The following LMO7 variants were observed in gnomAD, a reference collection of about 807,000 sequenced individuals.
LMO7 encodes LIM domain 7, also known as LIM domain only protein 7.
A neutral mutation model predicts 206.5 loss-of-function variants in LMO7; 120 were observed. That is an observed-to-expected ratio of 0.58 (90% CI 0.50 to 0.68). The LOEUF is 0.68. Ranked by LOEUF, LMO7 falls within the 30% of genes least tolerant of loss-of-function variation. The pLI, the probability that LMO7 is intolerant of heterozygous loss-of-function variation, is 0.00. For synonymous variants in LMO7, 706 were observed against 681.5 expected, an observed-to-expected ratio of 1.04 and a Z score of -0.56; for missense variants, 1,959 against 1,957.9, an observed-to-expected ratio of 1.00 and a Z score of -0.01.
At chr13:75,636,200 CGGGAGCCCG>C, upstream of LMO7, 1 of 702,572 alleles carries the variant, frequency 1.4e-6, no homozygotes. Context: ...CGGCCGCGGC[CGGGAGCCCG>C]GGGAGCCAAG....
In LMO7 at chr13:75,821,418, G is replaced by A. The variant is rs2057560949; in HGVS notation, c.2449G>A (p.Val817Met). Residue 817 changes from valine (V) to methionine (M), a missense_variant, in exon 14 of 31, where the codon GTG (valine) becomes ATG (methionine). Transcript: ENST00000377534. ...AATTCAGCTTCCTTCTCAAAGTCCT[G>A]TGGAAGAACAAAGCCCAGCCTCTTT... ...TEIQLPSQSPVEEQSPASLSS... is the reference protein window; with the variant it reads ...TEIQLPSQSPMEEQSPASLSS... 2 of 1,614,160 alleles carry A rather than the reference G, an allele frequency of 1.2e-6. No individual in the cohort carries two copies. The highest frequency in any genetic ancestry group is 1.7e-6 in the Non-Finnish European group (2 of 1,180,014).
Position 75,711,621 on chromosome 13 carries a change from C to A in LMO7, c.70-1561C>A, listed in dbSNP as rs572825657. Among the ~76,000 whole-genome samples the A allele has an allele frequency of 2.0e-4, 31 of 152,330 alleles. No individual in the cohort carries two copies. In the South Asian group the frequency reaches 5.2e-3, roughly 25 times the overall value. ...CTCACGCTCGGTGCGCTGCACCCCC[C>A]CTGTCCTGCACCCACTCCCCAGTGA... is the stretch of plus-strand genomic sequence containing the variant. On this transcript the variant is annotated intron_variant, in intron 1 of 30. Coordinates refer to ENST00000377534, the MANE Select transcript of LMO7 (RefSeq NM_001306080.2).
chr13:75,797,620 A>G (rs931947215), intron 6 of LMO7, among the ~76,000 whole-genome samples: 2 of 152,202 alleles, frequency 1.3e-5, no homozygotes, highest in Non-Finnish European at 2.9e-5. Context: ...GCACATTGTA[A>G]GGTTGCAATA....
chr13:75,718,377 G>A (rs555537767), intron 2 of LMO7, among the ~76,000 whole-genome samples: 4 of 152,314 alleles, frequency 2.6e-5, no homozygotes, highest in Non-Finnish European at 5.9e-5. Flanking sequence ...ATTTACCTGA[G>A]GGATCGAGAG....
At chr13:75,805,368 A>G in intron 8 of LMO7, 111 bp from the exon 9 acceptor site, 1 of 1,188,158 alleles carries the variant, frequency 8.4e-7, no homozygotes, top group Non-Finnish European at 1.2e-6. Context: ...AATGGAAACT[A>G]ATTTGCTTTG....
chr13:75,759,269 T>G (rs963998643), intron 3 of LMO7, among the ~76,000 whole-genome samples: 2 of 152,170 alleles, frequency 1.3e-5, no homozygotes, highest in South Asian at 2.1e-4. Flanking sequence ...GAGAATTGGG[T>G]GGGGACACAC....
chr13:75,712,356 G>T (rs1467800946), intron 1 of LMO7, among the ~76,000 whole-genome samples: 1 of 152,144 alleles, frequency 6.6e-6, no homozygotes, highest in Non-Finnish European at 1.5e-5. Flanking sequence ...CTTGAGCTGG[G>T]ACTCAGTCCC....
At chr13:75,838,453 TAA>T (rs35202291) in intron 20 of LMO7, 50,573 of 204,988 alleles carry the variant, frequency 0.25, 4,714 homozygotes, top group Non-Finnish European at 0.28. Context: ...TTTAACTTTG[TAA>T]AAAAAAAAAA....
intron 3 of LMO7, among the ~76,000 whole-genome samples, chr13:75,741,599 T>C (rs1468790947): frequency 6.6e-6 from 1 of 152,200 alleles, no homozygotes; most frequent in Non-Finnish European, 1.5e-5. Context: ...ATAAATGTAA[T>C]TCATCACATA....
chr13:75,802,554 T>C (rs1257359139), intron 7 of LMO7, among the ~76,000 whole-genome samples: 4 of 152,310 alleles, frequency 2.6e-5, no homozygotes, highest in Admixed American at 2.0e-4. Context: ...TCAGATGCAG[T>C]GGCCCACCCA....
rs376098676 is a variant in LMO7 at position 75,700,435 on chromosome 13, A to T, written c.70-12747A>T. ...AATGTACATGAAATCTTCACAATTT[A>T]TGTTCTTCTGCCGTGGCTTCAGCTG... On this transcript the variant is annotated intron_variant, in intron 1 of 30. Coordinates refer to ENST00000377534, the MANE Select transcript of LMO7 (RefSeq NM_001306080.2). Among the ~76,000 whole-genome samples the T allele has an allele frequency of 1.7e-4, 26 of 152,352 alleles. No homozygotes were observed. The East Asian group carries it at 1.7e-3, about 10-fold the overall frequency.
At chr13:75,626,217 T>C (rs2034051422) in intron 2 of LMO7, among the ~76,000 whole-genome samples, 1 of 152,122 alleles carries the variant, frequency 6.6e-6, no homozygotes. Flanking sequence ...TAGTCCGTTT[T>C]CACACTGCTG....
intron 1 of LMO7, among the ~76,000 whole-genome samples, chr13:75,637,264 G>T (rs1289215965): frequency 6.6e-6 from 1 of 152,176 alleles, no homozygotes; most frequent in Non-Finnish European, 1.5e-5. Flanking sequence ...ATTTCTCTGG[G>T]GCCGCATCCA....
chr13:75,651,547 TGATCCACCTGCCTCAGCC>T (rs1775518656), intron 1 of LMO7, among the ~76,000 whole-genome samples: 2 of 152,138 alleles, frequency 1.3e-5, no homozygotes, highest in South Asian at 2.1e-4. Flanking sequence ...TGACCTCAGG[TGATCCACCTGCCTCAGCC>T]GATCCACCTG....
At chr13:75,779,229 A>G (rs73227973) in intron 4 of LMO7, among the ~76,000 whole-genome samples, 2,250 of 152,260 alleles carry the variant, frequency 0.015, 19 homozygotes, top group Middle Eastern at 0.041. Context: ...CAAACTTTAA[A>G]TTCTGGGCAG....
intron 7 of LMO7, among the ~76,000 whole-genome samples, chr13:75,802,057 A>ATG (rs1439279663): frequency 6.6e-6 from 1 of 152,068 alleles, no homozygotes; most frequent in African/African-American, 2.4e-5. Flanking sequence ...ACTTGTCCTA[A>ATG]ATACTTCAGT....
At chr13:75,760,566 C>G (rs1044234376) in intron 3 of LMO7, 4 of 1,340,130 alleles carry the variant, frequency 3.0e-6, no homozygotes, top group Middle Eastern at 2.7e-4. Context: ...AGAGGTGAGG[C>G]TTGCCGTGCA....
intron 4 of LMO7, among the ~76,000 whole-genome samples, chr13:75,776,853 A>T (rs1053122721): frequency 6.6e-6 from 1 of 152,236 alleles, no homozygotes; most frequent in African/African-American, 2.4e-5. Context: ...TTTCCTATCA[A>T]TTTAAAAATT....
At chr13:75,820,940 G>A (rs1471940444) in intron 13 of LMO7, among the ~76,000 whole-genome samples, 1 of 151,696 alleles carries the variant, frequency 6.6e-6, no homozygotes, top group Non-Finnish European at 1.5e-5. Context: ...GAGGTTGCAG[G>A]TGAGCTGAGA....
Sources: gnomAD v4.1 joint callset for allele counts (sites outside exome capture counted in the v4.1 genomes callset) on GRCh38, gnomAD v4.1.1 for gene constraint, MANE v1.5 for transcripts, NCBI Gene and HGNC (gene_info 2026-07-23, HGNC 2026-07-21) for gene names.